Variants in PRKCE observed in about 807,000 individuals in gnomAD.
PRKCE encodes protein kinase C epsilon type.
PRKCE carries 16 observed loss-of-function variants against 85.4 expected under a neutral mutation model. The ratio of observed to expected loss-of-function variants is 0.19; its 90% CI spans 0.13 to 0.28. The LOEUF (loss-of-function observed/expected upper bound fraction) is 0.28, where lower values mean the gene tolerates loss of function less well. Ranked by LOEUF, PRKCE falls within the 10% of genes least tolerant of loss-of-function variation. PRKCE has a pLI of 1.00. For missense variants in PRKCE, 573 were observed against 975.2 expected (o/e 0.59, Z 5.49); for synonymous variants, 388 against 371.5 (o/e 1.04, Z -0.51).
At chr2:45,788,056 C>T (rs1462115447) in intron 1 of PRKCE, among the ~76,000 whole-genome samples, 1 of 152,144 alleles carries the variant, frequency 6.6e-6, no homozygotes, top group East Asian at 1.9e-4. Context: ...CCATTTCAGG[C>T]CTCACCGTGT....
chr2:45,826,203 C>G (rs1415807278), intron 1 of PRKCE, among the ~76,000 whole-genome samples: 1 of 152,138 alleles, frequency 6.6e-6, no homozygotes, highest in Non-Finnish European at 1.5e-5. Context: ...CCTCTAGTTT[C>G]ATGGCTCAAA....
chr2:45,827,912 C>T (rs1690080422), intron 1 of PRKCE, among the ~76,000 whole-genome samples: 1 of 152,176 alleles, frequency 6.6e-6, no homozygotes, highest in Admixed American at 6.5e-5. Context: ...ACTTATGCTT[C>T]GTTTCCTTAG....
intron 10 of PRKCE, among the ~76,000 whole-genome samples, chr2:46,067,523 G>T (rs754485694): frequency 6.6e-6 from 1 of 152,170 alleles, no homozygotes; most frequent in African/African-American, 2.4e-5. Flanking sequence ...TGTTTGGTGC[G>T]TATTCAGGTT....
intron 2 of PRKCE, among the ~76,000 whole-genome samples, chr2:45,929,833 C>T (rs998577247): frequency 6.6e-6 from 1 of 151,994 alleles, no homozygotes; most frequent in Non-Finnish European, 1.5e-5. Context: ...CTTTTAGTGC[C>T]ATATTGTGGG....
At chr2:45,930,360 T>C (rs191211963) in intron 2 of PRKCE, among the ~76,000 whole-genome samples, 1 of 152,204 alleles carries the variant, frequency 6.6e-6, no homozygotes, top group African/African-American at 2.4e-5. Context: ...TTCAGAAAAC[T>C]TGACCAAAAT....
chr2:46,123,148 C>CAAA (rs71394873), intron 11 of PRKCE, among the ~76,000 whole-genome samples: 10,898 of 84,156 alleles, frequency 0.13, 1,153 homozygotes, highest in Non-Finnish European at 0.15. Context: ...AGTTCACTAG[C>CAAA]AAAAAAAAAA....
intron 6 of PRKCE, among the ~76,000 whole-genome samples, chr2:45,994,011 T>TG (rs781372091): frequency 7.9e-5 from 12 of 152,098 alleles, no homozygotes; most frequent in East Asian, 3.9e-4. Flanking sequence ...CAGGCTGGTC[T>TG]GGGGGGGCTC....
intron 2 of PRKCE, among the ~76,000 whole-genome samples, chr2:45,932,112 T>C (rs72802820): frequency 0.026 from 3,991 of 152,230 alleles, 91 homozygotes; most frequent in East Asian, 0.11. Context: ...TCACTACCCC[T>C]CACCCAACTT....
chr2:45,841,134 T>C (rs978817981), intron 1 of PRKCE, among the ~76,000 whole-genome samples: 1 of 152,244 alleles, frequency 6.6e-6, no homozygotes, highest in Non-Finnish European at 1.5e-5. Flanking sequence ...GACAATGTAT[T>C]ACAACTTAAT....
chr2:45,937,540 A>C (rs1221992854), intron 2 of PRKCE, among the ~76,000 whole-genome samples: 3 of 152,102 alleles, frequency 2.0e-5, no homozygotes, highest in Non-Finnish European at 2.9e-5. Flanking sequence ...GTGAAACCCC[A>C]TCTCCACTAA....
At chr2:45,799,500 C>T (rs780267237) in intron 1 of PRKCE, among the ~76,000 whole-genome samples, 57 of 152,056 alleles carry the variant, frequency 3.7e-4, no homozygotes, top group Non-Finnish European at 7.6e-4. Flanking sequence ...CTGTTGTGCA[C>T]GATGATCATG....
intron 10 of PRKCE, among the ~76,000 whole-genome samples, chr2:46,085,779 A>G (rs1407217135): frequency 1.0e-5 from 1 of 96,498 alleles, no homozygotes; most frequent in Non-Finnish European, 1.9e-5. Flanking sequence ...TTTTAGCCAT[A>G]TAAGGTAACA....
intron 11 of PRKCE, among the ~76,000 whole-genome samples, chr2:46,135,876 A>T (rs1220832713): frequency 6.7e-6 from 1 of 148,664 alleles, no homozygotes; most frequent in African/African-American, 2.5e-5. Context: ...CTATGTAGAG[A>T]ATGTCAGGAA....
At chr2:45,814,181 G>T (rs114357030) in intron 1 of PRKCE, among the ~76,000 whole-genome samples, 62 of 152,338 alleles carry the variant, frequency 4.1e-4, no homozygotes, top group African/African-American at 1.4e-3. Flanking sequence ...CGGGACCAAA[G>T]TGTGACTTTG....
intron 3 of PRKCE, among the ~76,000 whole-genome samples, chr2:45,976,857 CTGTGTGTGTGTGTG>C (rs56287103): frequency 2.7e-4 from 37 of 134,962 alleles, no homozygotes; most frequent in Middle Eastern, 3.4e-3. Flanking sequence ...GATATTGTGA[CTGTGTGTGTGTGTG>C]TGTGTGTGTG....
chr2:45,960,083 T>A (rs539835207), intron 2 of PRKCE, among the ~76,000 whole-genome samples: 2 of 152,340 alleles, frequency 1.3e-5, no homozygotes, highest in South Asian at 4.1e-4. Flanking sequence ...TTAAAAAATC[T>A]TTAGACCACC....
chr2:45,884,576 G>A (rs918595001), intron 2 of PRKCE, among the ~76,000 whole-genome samples: 1 of 152,146 alleles, frequency 6.6e-6, no homozygotes, highest in African/African-American at 2.4e-5. Flanking sequence ...GGAATAAAGG[G>A]AGGCAGCACA....
chr2:46,021,475 G>A (rs1295308016), intron 10 of PRKCE, among the ~76,000 whole-genome samples: 11 of 152,154 alleles, frequency 7.2e-5, no homozygotes, highest in South Asian at 2.1e-4. Context: ...AAGCACTGAC[G>A]TGGCCATTCG....
intron 11 of PRKCE, among the ~76,000 whole-genome samples, chr2:46,099,718 T>A (rs1671032608): frequency 6.6e-6 from 1 of 152,214 alleles, no homozygotes; most frequent in South Asian, 2.1e-4. Flanking sequence ...AAATGTATAG[T>A]TATACCCAGT....
Sources: allele counts gnomAD v4.1 joint callset (sites outside exome capture counted in the v4.1 genomes callset), GRCh38; gene constraint gnomAD v4.1.1; transcripts MANE v1.5; gene names NCBI Gene and HGNC (gene_info 2026-07-23, HGNC 2026-07-21).